UTS2B: variants seen among roughly 807,000 people sequenced by gnomAD.
UTS2B encodes the protein urotensin 2B.
Under a neutral mutation model 19.2 loss-of-function variants are expected in UTS2B, and 21 were observed. The ratio of observed to expected loss-of-function variants is 1.09; its 90% CI spans 0.78 to 1.58. The LOEUF (loss-of-function observed/expected upper bound fraction) is 1.58, where lower values mean the gene tolerates loss of function less well. UTS2B is among the 40% of genes most tolerant of loss of function. UTS2B has a pLI of 0.00. For synonymous variants in UTS2B, 57 were observed against 50.2 expected (o/e 1.14, Z -0.58); for missense variants, 138 against 130.3 (o/e 1.06, Z -0.29).
At chr3:191,301,735 C>T (rs1395630455) in intron 4 of UTS2B, among the ~76,000 whole-genome samples, 5 of 151,758 alleles carry the variant, frequency 3.3e-5, no homozygotes, top group East Asian at 1.9e-4. Context: ...GTGATCCGCC[C>T]GCCTCGGCCT....
intron 2 of UTS2B, among the ~76,000 whole-genome samples, chr3:191,323,697 G>A (rs186895909): frequency 8.7e-4 from 132 of 152,268 alleles, no homozygotes; most frequent in African/African-American, 2.8e-3. Flanking sequence ...TGAGTAGGGC[G>A]TGATTATCAA....
intron 8 of UTS2B, among the ~76,000 whole-genome samples, chr3:191,271,200 C>CAAAAAAAAAAAAAAA (rs66756396): frequency 3.8e-5 from 2 of 52,742 alleles, no homozygotes; most frequent in African/African-American, 1.4e-4. Context: ...GAGACTCTCT[C>CAAAAAAAAAAAAAAA]AAAAAAAAAA....
In UTS2B at chr3:191,282,264, TTCAGTAGAG is replaced by T. The variant is rs2108575671; in HGVS notation, c.-84_-76del. On this transcript the variant is annotated 5_prime_UTR_variant, in exon 5 of 9. Coordinates refer to ENST00000340524, the MANE Select transcript of UTS2B (RefSeq NM_198152.5). ...GATGGATATTTCTATAGCTTTGGAA[TTCAGTAGAG>T]CTTAGTTGCAAAAGGCAAGTGTGCC... 1.6e-5 allele frequency: 18 copies of T among 1,141,134 alleles called. No homozygotes were observed. The highest frequency in any genetic ancestry group is 2.1e-5 in the Non-Finnish European group (17 of 793,206). The allele number at this position is 1,141,134 out of a possible 1,614,324, so 70.7% of individuals were successfully genotyped here. A position where few individuals can be genotyped will look rare whatever the true frequency, so the allele number is the denominator to read the frequency against.
the UTS2B span, among the ~76,000 whole-genome samples, chr3:191,345,431 A>G: frequency 6.6e-6 from 1 of 152,074 alleles, no homozygotes. Flanking sequence ...CTACCTTGCT[A>G]CCTTTTCCCT....
At chr3:191,271,717 A>T (rs1576911520) in intron 8 of UTS2B, among the ~76,000 whole-genome samples, 1 of 152,068 alleles carries the variant, frequency 6.6e-6, no homozygotes, top group East Asian at 1.9e-4. Flanking sequence ...ATTTGGAGTC[A>T]CTCCTTAGAT....
intron 3 of UTS2B, among the ~76,000 whole-genome samples, chr3:191,308,919 A>T (rs1244939824): frequency 1.3e-5 from 2 of 152,206 alleles, no homozygotes; most frequent in Non-Finnish European, 2.9e-5. Flanking sequence ...AAAACGATAA[A>T]TGGTCAAGAT....
At chr3:191,304,158 A>C (rs1009306717) in intron 4 of UTS2B, among the ~76,000 whole-genome samples, 9 of 152,202 alleles carry the variant, frequency 5.9e-5, no homozygotes, top group African/African-American at 2.2e-4. Flanking sequence ...GGGTTTCACC[A>C]TGTTGCCCAG....
the UTS2B span, among the ~76,000 whole-genome samples, chr3:191,338,715 A>G: frequency 6.6e-6 from 1 of 152,214 alleles, no homozygotes; most frequent in Non-Finnish European, 1.5e-5. Context: ...TCTTTGAAAG[A>G]TCATTTTACT....
At chr3:191,340,655 T>C in the UTS2B span, among the ~76,000 whole-genome samples, 1 of 152,192 alleles carries the variant, frequency 6.6e-6, no homozygotes. Context: ...CTGAAAAAGT[T>C]TGGAGTGGCG....
At chr3:191,323,216 T>A (rs146956141) in intron 2 of UTS2B, among the ~76,000 whole-genome samples, 2,213 of 152,024 alleles carry the variant, frequency 0.015, 55 homozygotes, top group African/African-American at 0.051. Flanking sequence ...GAGTGCAGAG[T>A]TTTGCTCTGT....
chr3:191,290,721 C>A (rs1011820769), intron 4 of UTS2B, among the ~76,000 whole-genome samples: 1 of 152,210 alleles, frequency 6.6e-6, no homozygotes, highest in Non-Finnish European at 1.5e-5. Context: ...ATATAAATGG[C>A]ATTTCCATTT....
At chr3:191,317,591 G>T (rs1180116146) in intron 2 of UTS2B, among the ~76,000 whole-genome samples, 1 of 144,958 alleles carries the variant, frequency 6.9e-6, no homozygotes, top group Non-Finnish European at 1.5e-5. Context: ...TGTTGTTGTT[G>T]TTGTTGAGTT....
At chr3:191,298,823 G>A (rs1470116134) in intron 4 of UTS2B, among the ~76,000 whole-genome samples, 1 of 152,170 alleles carries the variant, frequency 6.6e-6, no homozygotes, top group African/African-American at 2.4e-5. Flanking sequence ...CCAAAATCTT[G>A]ATAATGATAT....
At chr3:191,335,548 A>G in the UTS2B span, among the ~76,000 whole-genome samples, 1 of 152,142 alleles carries the variant, frequency 6.6e-6, no homozygotes, top group Non-Finnish European at 1.5e-5. Flanking sequence ...GAGTTCTCAG[A>G]TATTGCTTTT....
chr3:191,273,624 T>C (rs2108567986), intron 8 of UTS2B: 1 of 456,378 alleles, frequency 2.2e-6, no homozygotes, highest in Non-Finnish European at 4.4e-6. Context: ...CCCGACTTTA[T>C]TACACCATGC....
intron 8 of UTS2B, among the ~76,000 whole-genome samples, chr3:191,269,019 A>G (rs909829027): frequency 6.6e-6 from 1 of 152,350 alleles, no homozygotes; most frequent in African/African-American, 2.4e-5. Context: ...GAGAAATCAA[A>G]CCAAATATAT....
chr3:191,305,601 A>G (rs1717115009), intron 3 of UTS2B, among the ~76,000 whole-genome samples: 1 of 152,032 alleles, frequency 6.6e-6, no homozygotes, highest in Admixed American at 6.5e-5. Flanking sequence ...TTTTTCTCCC[A>G]TTATGTAGGT....
intron 4 of UTS2B, among the ~76,000 whole-genome samples, chr3:191,293,599 T>C (rs1221967953): frequency 1.3e-5 from 2 of 152,006 alleles, no homozygotes; most frequent in African/African-American, 2.4e-5. Context: ...GAAATTTGAT[T>C]ATATTTTTTA....
At chr3:191,293,137 A>G (rs1716763039) in intron 4 of UTS2B, among the ~76,000 whole-genome samples, 1 of 152,172 alleles carries the variant, frequency 6.6e-6, no homozygotes, top group African/African-American at 2.4e-5. Context: ...TACTTTTTAT[A>G]TGTTGCTGGA....
Sources: allele counts gnomAD v4.1 joint callset (sites outside exome capture counted in the v4.1 genomes callset), GRCh38; gene constraint gnomAD v4.1.1; transcripts MANE v1.5; gene names NCBI Gene and HGNC (gene_info 2026-07-23, HGNC 2026-07-21).